The following FAM81A variants were observed in gnomAD, a reference collection of about 807,000 sequenced individuals.
FAM81A encodes the protein protein FAM81A.
In FAM81A, 19 loss-of-function variants were observed where a neutral mutation model predicts 46.7. The ratio of observed to expected loss-of-function variants is 0.41; its 90% confidence interval spans 0.28 to 0.60. The LOEUF (loss-of-function observed/expected upper bound fraction) is 0.60. FAM81A is among the 20% of genes least tolerant of loss of function. The pLI is 0.34. For missense variants in FAM81A, 377 were observed against 453.5 expected, an observed-to-expected ratio of 0.83 and a Z score of 1.53; for synonymous variants, 183 against 152.9, an observed-to-expected ratio of 1.20 and a Z score of -1.45.
intron 2 of FAM81A, among the ~76,000 whole-genome samples, chr15:59,413,431 C>G (rs1450502199): frequency 2.0e-5 from 3 of 147,920 alleles, no homozygotes; most frequent in African/African-American, 2.6e-5. Flanking sequence ...CACACACACA[C>G]ACACACACAC....
intron 1 of FAM81A, chr15:59,444,300 C>T (rs1224549253): frequency 3.3e-5 from 5 of 152,148 alleles, no homozygotes; most frequent in East Asian, 1.9e-4. Context: ...ATGCCTTACC[C>T]GAAGAGTCAG....
At chr15:59,468,811 G>A (rs1236354578) in intron 3 of FAM81A, among the ~76,000 whole-genome samples, 3 of 152,186 alleles carry the variant, frequency 2.0e-5, no homozygotes, top group African/African-American at 7.2e-5. Flanking sequence ...TTGTTAGGGT[G>A]TCAAATTTAG....
chr15:59,493,582 C>G (rs977105229), intron 4 of FAM81A, among the ~76,000 whole-genome samples: 1 of 151,936 alleles, frequency 6.6e-6, no homozygotes, highest in Non-Finnish European at 1.5e-5. Context: ...GCCTTTCCTC[C>G]TCCTTTTCTT....
chr15:59,479,378 G>A (rs750698094), intron 3 of FAM81A, among the ~76,000 whole-genome samples: 17 of 151,924 alleles, frequency 1.1e-4, no homozygotes, highest in Non-Finnish European at 2.4e-4. Context: ...GGGTGTGGTG[G>A]CACGTGCCTG....
intron 1 of FAM81A, among the ~76,000 whole-genome samples, chr15:59,450,075 A>G (rs1446813656): frequency 2.1e-5 from 3 of 143,994 alleles, no homozygotes; most frequent in African/African-American, 5.2e-5. Flanking sequence ...GGTGTGTGCC[A>G]CCACACCCAG....
rs1204613235 is a variant in FAM81A, at chr15:59,460,142, T to G, written c.230T>G (p.Leu77Arg). The G allele has an allele frequency of 6.2e-7, 1 of 1,614,016 alleles. No individual in the cohort carries two copies. The highest frequency in any genetic ancestry group is 8.5e-7 in the Non-Finnish European group (1 of 1,179,902). The change falls in exon 3 of 9, where the codon CTT becomes CGT. Residue 77 changes from leucine to arginine, a missense_variant. Physicochemically the swap from Leu to Arg is moderately radical, Grantham distance 102. Transcript: ENST00000288228. The surrounding 1 kb of genome is among the most constrained non-coding windows in gnomAD (Gnocchi z 4.4). ...GGGGGAGGTGACCGCTTGGCCAGGC[T>G]TTTCTTGGAGGAGCATATCAGAAAC... ...NKGGGDRLAR[L>R]FLEEHIRNIT...
intron 1 of FAM81A, among the ~76,000 whole-genome samples, chr15:59,455,268 C>G (rs565181877): frequency 6.6e-6 from 1 of 152,056 alleles, no homozygotes; most frequent in Admixed American, 6.6e-5. Flanking sequence ...CCCCCAACTT[C>G]CCCCAATTTT....
chr15:59,398,293 T>C (rs2081055528), intron 1 of FAM81A, among the ~76,000 whole-genome samples: 1 of 152,180 alleles, frequency 6.6e-6, no homozygotes, highest in African/African-American at 2.4e-5. Flanking sequence ...GTCTAAGTGT[T>C]TTCATAGGAA....
intron 2 of FAM81A, among the ~76,000 whole-genome samples, chr15:59,411,327 A>G (rs2081119658): frequency 6.6e-6 from 1 of 152,132 alleles, no homozygotes; most frequent in Non-Finnish European, 1.5e-5. Flanking sequence ...GACTCAGAGG[A>G]GAAGATGAGT....
chr15:59,473,810 C>A (rs187626898), intron 3 of FAM81A, among the ~76,000 whole-genome samples: 2 of 152,300 alleles, frequency 1.3e-5, no homozygotes, highest in East Asian at 3.9e-4. Flanking sequence ...TTGGTAGCTG[C>A]CACGTACTAC....
chr15:59,398,241 G>A (rs2081055317), intron 1 of FAM81A, among the ~76,000 whole-genome samples: 1 of 152,156 alleles, frequency 6.6e-6, no homozygotes, highest in African/African-American at 2.4e-5. Context: ...ACTCTGGCAG[G>A]ACAGACTTTT....
At chr15:59,449,514 G>C (rs556768632) in intron 1 of FAM81A, among the ~76,000 whole-genome samples, 80 of 152,242 alleles carry the variant, frequency 5.3e-4, no homozygotes, top group African/African-American at 1.7e-3. Context: ...GGGCACGGTG[G>C]CTCACGCCTG....
intron 2 of FAM81A, among the ~76,000 whole-genome samples, chr15:59,459,719 A>T (rs2081527661): frequency 1.3e-5 from 2 of 151,758 alleles, no homozygotes; most frequent in African/African-American, 4.8e-5. Flanking sequence ...AGTCATGGAG[A>T]CCGCTTCTAA....
At chr15:59,474,335 G>A (rs964404841) in intron 3 of FAM81A, among the ~76,000 whole-genome samples, 1 of 152,186 alleles carries the variant, frequency 6.6e-6, no homozygotes, top group African/African-American at 2.4e-5. Context: ...ATTTCTCACA[G>A]TTCTGGAGGC....
chr15:59,496,162 C>T (rs183595095), intron 4 of FAM81A, among the ~76,000 whole-genome samples: 1 of 151,762 alleles, frequency 6.6e-6, no homozygotes, highest in East Asian at 1.9e-4. Flanking sequence ...ACATTTAGGC[C>T]TGTGATCCAT....
chr15:59,453,527 T>C (rs555291750), intron 1 of FAM81A, among the ~76,000 whole-genome samples: 1 of 152,162 alleles, frequency 6.6e-6, no homozygotes, highest in African/African-American at 2.4e-5. Flanking sequence ...ATACAGCTAG[T>C]GGGGAAGCCA....
At chr15:59,413,309 T>A (rs1277546198) in intron 2 of FAM81A, among the ~76,000 whole-genome samples, 1 of 151,038 alleles carries the variant, frequency 6.6e-6, no homozygotes, top group Admixed American at 6.6e-5. Flanking sequence ...TAGCCCAGAG[T>A]GTGAGGGCCC....
intron 6 of FAM81A, among the ~76,000 whole-genome samples, chr15:59,509,534 G>C (rs2082183222): frequency 6.6e-6 from 1 of 152,156 alleles, no homozygotes; most frequent in Non-Finnish European, 1.5e-5. Flanking sequence ...GTCCTTATAA[G>C]AGGGAGGCAA....
rs1411933235 is a variant in FAM81A at position 59,438,249 on chromosome 15, A to G, written c.-111A>G. 6 of 149,612 alleles carry G rather than the reference A, an allele frequency of 4.0e-5. No individual in the cohort carries two copies. Among genetic ancestry groups the G allele is most frequent in the East Asian group, 2.0e-4 (1 of 5,102 alleles). The allele number at this position is 149,612 out of a possible 1,614,324, so 9.3% of individuals were successfully genotyped here. Reference sequence around the variant, plus strand: ...CGCACCCAGCCGCGCCGGCGAGGACATGGGCAGCCGCGGCGCGCCCACCCC... The same window carrying G: ...CGCACCCAGCCGCGCCGGCGAGGACGTGGGCAGCCGCGGCGCGCCCACCCC... On this transcript the variant is annotated 5_prime_UTR_variant, in exon 1 of 9. An upstream start codon of the reference 5' UTR is lost. Coordinates refer to ENST00000288228, the MANE Select transcript of FAM81A (RefSeq NM_152450.3).
Sources: gnomAD v4.1 joint callset for allele counts (sites outside exome capture counted in the v4.1 genomes callset) on GRCh38, gnomAD v4.1.1 for gene constraint, Gnocchi (gnomAD v3.1) non-coding constraint, MANE v1.5 for transcripts, NCBI Gene and HGNC (gene_info 2026-07-23, HGNC 2026-07-21) for gene names.